FAM135B: variants seen among roughly 807,000 people sequenced by gnomAD.
FAM135B encodes protein FAM135B.
FAM135B carries 43 observed loss-of-function variants against 127.7 expected under a neutral mutation model. That is an observed-to-expected ratio of 0.34 (90% confidence interval 0.26 to 0.43). The LOEUF (loss-of-function observed/expected upper bound fraction) is 0.43. Ranked by LOEUF, FAM135B falls within the 20% of genes least tolerant of loss-of-function variation. The pLI is 1.00. For synonymous variants in FAM135B, 670 were observed against 665.1 expected, an observed-to-expected ratio of 1.01 and a Z score of -0.11; for missense variants, 1,558 against 1,725.6, an observed-to-expected ratio of 0.90 and a Z score of 1.72.
intron 12 of FAM135B, among the ~76,000 whole-genome samples, chr8:138,163,431 C>G (rs1026752142): frequency 1.3e-5 from 2 of 152,114 alleles, no homozygotes; most frequent in Non-Finnish European, 2.9e-5. Flanking sequence ...GCTGTGTCCC[C>G]ACCCAAACCT....
At chr8:138,403,786 A>C (rs990754699) in intron 1 of FAM135B, among the ~76,000 whole-genome samples, 7 of 152,158 alleles carry the variant, frequency 4.6e-5, no homozygotes, top group Admixed American at 3.3e-4. Context: ...CCAGTGTTTC[A>C]TGCAGCAAAT....
At chr8:138,494,790 AAC>A (rs952333004) in intron 1 of FAM135B, among the ~76,000 whole-genome samples, 2 of 152,104 alleles carry the variant, frequency 1.3e-5, no homozygotes, top group Middle Eastern at 6.8e-3. Flanking sequence ...ACCCGAGGTG[AAC>A]AGTTAAATGA....
At chr8:138,232,232 G>T (rs572502518) in intron 7 of FAM135B, among the ~76,000 whole-genome samples, 43 of 147,674 alleles carry the variant, frequency 2.9e-4, no homozygotes, top group African/African-American at 9.2e-4. Flanking sequence ...GCCATGCTGG[G>T]CACCAAGGAC....
chr8:138,380,749 G>GAA (rs111906316), intron 1 of FAM135B, among the ~76,000 whole-genome samples: 1 of 149,908 alleles, frequency 6.7e-6, no homozygotes, highest in African/African-American at 2.5e-5. Context: ...CAAGAGGTTG[G>GAA]AAAAAAAAAG....
chr8:138,136,591 T>TA (rs1209874421), intron 19 of FAM135B, among the ~76,000 whole-genome samples: 11 of 151,710 alleles, frequency 7.3e-5, no homozygotes, highest in Admixed American at 3.9e-4. Flanking sequence ...AACATGTTTT[T>TA]AAAAAAAAAC....
In FAM135B at chr8:138,433,325, C is replaced by A. The variant is rs1835294077; in HGVS notation, c.-20+63346G>T. Among the ~76,000 whole-genome samples the A allele has an allele frequency of 2.0e-5, 3 of 152,026 alleles. No individual in the cohort carries two copies. The South Asian group carries it at 6.2e-4, about 32-fold the overall frequency. On this transcript the variant is annotated intron_variant, in intron 1 of 19. Transcript: ENST00000395297. Reference sequence around the variant, plus strand: ...TCACTTGAGGTCAGGAGTTCAAGACCAGCCTGACCAACATGGTGAAACCCC... The same window carrying A: ...TCACTTGAGGTCAGGAGTTCAAGACAAGCCTGACCAACATGGTGAAACCCC...
rs1821634148 is a variant in FAM135B at position 138,250,741 on chromosome 8, C to T, written c.542+100G>A. ...AAACCTGCAGCCTTAGAGAAACTCC[C>T]TTGCGTGTGCTGATCTCTCCTGGAA... On this transcript the variant is annotated intron_variant, in intron 6 of 19. Coordinates refer to ENST00000395297, the MANE Select transcript of FAM135B (RefSeq NM_015912.4). 3.8e-5 allele frequency: 50 copies of T among 1,329,174 alleles called. No homozygotes were observed. The South Asian group carries it at 6.6e-4, about 17-fold the overall frequency. The allele number at this position is 1,329,174 out of a possible 1,614,324, so 82.3% of individuals were successfully genotyped here. A position where few individuals can be genotyped will look rare whatever the true frequency, so the allele number is the denominator to read the frequency against.
At chr8:138,218,370 A>C (rs916221140) in intron 7 of FAM135B, among the ~76,000 whole-genome samples, 1 of 152,208 alleles carries the variant, frequency 6.6e-6, no homozygotes, top group African/African-American at 2.4e-5. Flanking sequence ...CGACCATAGA[A>C]GTCACATGGG....
intron 1 of FAM135B, among the ~76,000 whole-genome samples, chr8:138,487,145 G>A (rs1453873998): frequency 2.0e-5 from 3 of 152,054 alleles, no homozygotes; most frequent in South Asian, 2.1e-4. Flanking sequence ...TAAAGGTTGC[G>A]ATTTTCATTT....
intron 12 of FAM135B, among the ~76,000 whole-genome samples, chr8:138,165,899 T>TA (rs1415366465): frequency 1.3e-5 from 2 of 152,204 alleles, no homozygotes; most frequent in African/African-American, 4.8e-5. Context: ...AATAACCGTA[T>TA]ATTTGCAAGG....
At chr8:138,178,421 C>T (rs16908459) in intron 10 of FAM135B, 114 bp downstream of exon 10, 117 of 1,254,774 alleles carry the variant, frequency 9.3e-5, no homozygotes, top group Non-Finnish European at 1.2e-4. Flanking sequence ...GGTAGAGACA[C>T]GAAAGCACGA....
chr8:138,484,994 C>A (rs1423086429), intron 1 of FAM135B, among the ~76,000 whole-genome samples: 2 of 152,142 alleles, frequency 1.3e-5, no homozygotes, highest in Non-Finnish European at 2.9e-5. Flanking sequence ...TTCACCAAAG[C>A]CACCAATTCA....
At chr8:138,261,793 C>G (rs1822557878) in intron 4 of FAM135B, among the ~76,000 whole-genome samples, 1 of 151,994 alleles carries the variant, frequency 6.6e-6, no homozygotes, top group Non-Finnish European at 1.5e-5. Context: ...TTTCTTATAG[C>G]ACATGGAATC....
chr8:138,438,235 A>G (rs1835566952), intron 1 of FAM135B: 1 of 152,144 alleles, frequency 6.6e-6, no homozygotes, highest in African/African-American at 2.4e-5. Context: ...CTCAAGCGAG[A>G]AGGAGCTCCT....
chr8:138,222,483 A>C (rs1272632341), intron 7 of FAM135B, among the ~76,000 whole-genome samples: 1 of 152,192 alleles, frequency 6.6e-6, no homozygotes, highest in Non-Finnish European at 1.5e-5. Flanking sequence ...TGATTCACAC[A>C]GTCCATTGAA....
chr8:138,348,046 T>C (rs1003707035), intron 2 of FAM135B, among the ~76,000 whole-genome samples: 1 of 151,586 alleles, frequency 6.6e-6, no homozygotes, highest in Non-Finnish European at 1.5e-5. Flanking sequence ...ATATGTACAA[T>C]GAGGTCCTCA....
At chr8:138,370,733 A>G (rs1254954955) in intron 1 of FAM135B, among the ~76,000 whole-genome samples, 1 of 152,162 alleles carries the variant, frequency 6.6e-6, no homozygotes, top group African/African-American at 2.4e-5. Flanking sequence ...TACAGGCATG[A>G]ACCACCATGC....
chr8:138,235,798 T>C (rs773302924), intron 7 of FAM135B, among the ~76,000 whole-genome samples: 1 of 152,182 alleles, frequency 6.6e-6, no homozygotes, highest in Non-Finnish European at 1.5e-5. Flanking sequence ...CTGAGGAAGA[T>C]ACTGTTCTAC....
At chr8:138,363,136 TG>T (rs1222434548) in intron 2 of FAM135B, among the ~76,000 whole-genome samples, 1 of 151,938 alleles carries the variant, frequency 6.6e-6, no homozygotes, top group Non-Finnish European at 1.5e-5. Context: ...AAAAAGAAAC[TG>T]GGAGGGTTTT....
Sources: allele counts gnomAD v4.1 joint callset (sites outside exome capture counted in the v4.1 genomes callset), GRCh38; gene constraint gnomAD v4.1.1; transcripts MANE v1.5; gene names NCBI Gene and HGNC (gene_info 2026-07-23, HGNC 2026-07-21).